PPFIA4: variants seen among roughly 807,000 people sequenced by gnomAD.
The protein encoded by PPFIA4 is PPFI scaffold protein A4, also known as liprin-alpha-4.
PPFIA4 carries 98 observed loss-of-function variants against 145.7 expected under a neutral mutation model. The observed-to-expected ratio is 0.67, with a 90% CI of 0.57 to 0.80. PPFIA4 has a LOEUF of 0.80. Among genes scored for constraint, PPFIA4 ranks in the 30% least tolerant of loss-of-function variants. The probability of loss-of-function intolerance (pLI) is 0.00; values close to 1 mark genes in which losing one functional copy is unlikely to be tolerated. For synonymous variants in PPFIA4, 628 were observed against 649.6 expected (o/e 0.97, Z 0.51); for missense variants, 1,457 against 1,632.7 (o/e 0.89, Z 1.85).
intron 1 of PPFIA4, among the ~76,000 whole-genome samples, chr1:203,031,920 T>A (rs189357553): frequency 7.6e-4 from 116 of 152,282 alleles, no homozygotes; most frequent in Admixed American, 5.1e-3. Flanking sequence ...TATTTTGACT[T>A]AGTAACTATA....
At chr1:203,069,728 A>G (rs1661998607) in intron 27 of PPFIA4, among the ~76,000 whole-genome samples, 1 of 149,402 alleles carries the variant, frequency 6.7e-6, no homozygotes, top group Admixed American at 6.7e-5. Flanking sequence ...GCACAGGGCC[A>G]TTGTGTCCTG....
intron 13 of PPFIA4, among the ~76,000 whole-genome samples, chr1:203,050,895 T>A (rs1660459157): frequency 6.6e-6 from 1 of 151,856 alleles, no homozygotes. Context: ...TTTTTTTTCT[T>A]AATGGTTGGG....
chr1:203,029,242 A>G (rs1157263752), intron 1 of PPFIA4, among the ~76,000 whole-genome samples: 1 of 152,138 alleles, frequency 6.6e-6, no homozygotes, highest in Non-Finnish European at 1.5e-5. Context: ...GGGTGCTGCA[A>G]CCTCGGGGCC....
Position 203,077,351 on chromosome 1 carries a change from C to G in PPFIA4, c.*961C>G, listed in dbSNP as rs377537774. The G allele has an allele frequency of 6.6e-6, 1 of 152,342 alleles. No homozygotes were observed. Among genetic ancestry groups the G allele is most frequent in the Non-Finnish European group, 1.5e-5 (1 of 68,142 alleles). The allele number at this position is 152,342 out of a possible 1,614,324, so 9.4% of individuals were successfully genotyped here. On this transcript the variant is annotated 3_prime_UTR_variant, in exon 30 of 30. Transcript: ENST00000295706. ...CTAGCTCTGCTCCCAGCATCCCTTC[C>G]CCTTCTCTCCTCCTCTGCCTCACTT...
Position 203,046,308 on chromosome 1 carries a change from C to T in PPFIA4, c.1066C>T (p.Gln356Ter). Residue 356 changes from glutamine (Q) to a stop codon, truncating the protein, a stop_gained, in exon 9 of 30, where the codon CAG (glutamine) becomes TAG (stop). Transcript: ENST00000295706. LOFTEE classifies it high-confidence loss of function. ...GGAGGTGGCAGAGCAGAAGCTGCAG[C>T]AGACGATGCGCAAGGCAGAGACGCT... ...LLEVAEQKLQ[Q>*]TMRKAETLPE... 1 of 1,595,640 alleles carries T rather than the reference C, an allele frequency of 6.3e-7. No individual in the cohort carries two copies. Among genetic ancestry groups the T allele is most frequent in the Non-Finnish European group, 8.5e-7 (1 of 1,171,846 alleles).
In PPFIA4 at chr1:203,059,259, G is replaced by T; in HGVS notation, c.2489G>T (p.Arg830Leu). The T allele has an allele frequency of 6.5e-7, 1 of 1,529,628 alleles. No individual in the cohort carries two copies. Among genetic ancestry groups the T allele is most frequent in the Non-Finnish European group, 8.9e-7 (1 of 1,122,146 alleles). The allele number at this position is 1,529,628 out of a possible 1,614,324, so 94.8% of individuals were successfully genotyped here. A position where few individuals can be genotyped will look rare whatever the true frequency, so the allele number is the denominator to read the frequency against. The change falls in exon 20 of 30, where the codon CGG becomes CTG. Residue 830 changes from arginine (R) to leucine (L), a missense_variant. Arg to Leu is a moderately radical substitution (Grantham distance 102). Transcript: ENST00000295706. The stretch of plus-strand genomic sequence containing the variant: ...GGGACCCAGGCAGAGAAGGACCGGC[G>T]GCTAAAGAAGAAGTAAGAGCCACAG... Reference protein sequence around the residue: ...KLGTQAEKDRRLKKKHQLLED... With the variant: ...KLGTQAEKDRLLKKKHQLLED...
At chr1:203,063,746 T>C in intron 24 of PPFIA4, 82 bp from the exon 25 acceptor site, 1 of 1,430,506 alleles carries the variant, frequency 7.0e-7, no homozygotes, top group South Asian at 1.2e-5. Context: ...GATTCATGTG[T>C]CTCCCGACCA....
At chr1:203,035,636 G>T (rs766788707) in intron 1 of PPFIA4, 1 of 456,750 alleles carries the variant, frequency 2.2e-6, no homozygotes, top group Non-Finnish European at 4.4e-6. Flanking sequence ...TCTGAATCAG[G>T]ACCTGTGAGT....
At chr1:203,073,512 A>AGG (rs912480903) in intron 28 of PPFIA4, among the ~76,000 whole-genome samples, 1 of 152,084 alleles carries the variant, frequency 6.6e-6, no homozygotes, top group Non-Finnish European at 1.5e-5. Context: ...TTTAGGGGTG[A>AGG]GGGGAGGGTC....
At chr1:203,074,402 T>A (rs1662375969) in intron 28 of PPFIA4, among the ~76,000 whole-genome samples, 1 of 152,174 alleles carries the variant, frequency 6.6e-6, no homozygotes, top group African/African-American at 2.4e-5. Context: ...AAAAGTATTA[T>A]AATCTTATGA....
chr1:203,076,480 C>G lies in PPFIA4; in HGVS notation c.*90C>G. The G allele has an allele frequency of 1.5e-6, 2 of 1,294,200 alleles. No individual in the cohort carries two copies. Among genetic ancestry groups the G allele is most frequent in the Non-Finnish European group, 2.2e-6 (2 of 905,094 alleles). The allele number at this position is 1,294,200 out of a possible 1,614,324, so 80.2% of individuals were successfully genotyped here. On this transcript the variant is annotated 3_prime_UTR_variant, in exon 30 of 30. Coordinates refer to ENST00000295706, the MANE Select transcript of PPFIA4 (RefSeq NM_001304331.2). ...TTGCTCGTTCCCCTTCCTTCCGCAG[C>G]TCCTAGTCTCGTCCGTGACTTTCCG...
In PPFIA4 at chr1:203,056,966, C is replaced by T. The variant is rs1295205182; in HGVS notation, c.2407+16C>T. 1 of 1,612,886 alleles carries T rather than the reference C, an allele frequency of 6.2e-7. No individual in the cohort carries two copies. Among genetic ancestry groups the T allele is most frequent in the East Asian group, 2.2e-5 (1 of 44,822 alleles). ...ACAGGCCATGGTCTCTGTCCCCTTCCTAACGGAGGTCTGGGCGGGCATTGG... is the reference window on the plus strand; with the variant it reads ...ACAGGCCATGGTCTCTGTCCCCTTCTTAACGGAGGTCTGGGCGGGCATTGG... On this transcript the variant is annotated intron_variant, in intron 19 of 29. Coordinates refer to ENST00000295706, the MANE Select transcript of PPFIA4 (RefSeq NM_001304331.2).
chr1:203,075,088 C>T lies in PPFIA4; in HGVS notation c.3394-489C>T, dbSNP rs1232822519. Reference sequence around the variant, plus strand: ...TCACATAGCCAGTAAAATGGCAGAGCCAGGATTAGAAGCCAGGTGTCTGAC... The same window carrying T: ...TCACATAGCCAGTAAAATGGCAGAGTCAGGATTAGAAGCCAGGTGTCTGAC... On this transcript the variant is annotated intron_variant, in intron 28 of 29. Coordinates refer to ENST00000295706, the MANE Select transcript of PPFIA4 (RefSeq NM_001304331.2). The surrounding 1 kb of genome is among the most constrained non-coding windows in gnomAD (Gnocchi z 4.1). Among the ~76,000 whole-genome samples, 1 of 152,058 alleles carries T rather than the reference C, an allele frequency of 6.6e-6. No individual in the cohort carries two copies. The highest frequency in any genetic ancestry group is 6.5e-5 in the Admixed American group (1 of 15,274).
chr1:203,029,206 T>G (rs1658649214), intron 1 of PPFIA4, among the ~76,000 whole-genome samples: 1 of 152,190 alleles, frequency 6.6e-6, no homozygotes, highest in Non-Finnish European at 1.5e-5. Flanking sequence ...GCTGCCCAGC[T>G]CATTGCTCTG....
intron 1 of PPFIA4, chr1:203,037,031 G>GTGCC (rs1348020347): frequency 5.0e-6 from 1 of 198,896 alleles, no homozygotes; most frequent in Non-Finnish European, 1.1e-5. Context: ...GCATGCCCAC[G>GTGCC]TGCCTGCTTG....
At chr1:203,035,500 C>CG (rs1265566064) in intron 1 of PPFIA4, 1 of 296,714 alleles carries the variant, frequency 3.4e-6, no homozygotes, top group African/African-American at 8.2e-5. Flanking sequence ...CAATCCCCCA[C>CG]CCCCACACAC....
At chr1:203,064,964 G>A (rs1203992756) in intron 25 of PPFIA4, among the ~76,000 whole-genome samples, 3 of 152,246 alleles carry the variant, frequency 2.0e-5, no homozygotes, top group African/African-American at 4.8e-5. Context: ...TTTGAGCCAA[G>A]TCTTTTGTCT....
At chr1:203,051,506 C>T in intron 13 of PPFIA4, 1 of 666,058 alleles carries the variant, frequency 1.5e-6, no homozygotes, top group Non-Finnish European at 2.1e-6. Flanking sequence ...CAACTCTTGC[C>T]ATTAGAAGAT....
intron 12 of PPFIA4, among the ~76,000 whole-genome samples, chr1:203,049,207 C>G (rs898787617): frequency 2.0e-5 from 3 of 152,214 alleles, no homozygotes; most frequent in Non-Finnish European, 4.4e-5. Flanking sequence ...CAGAGGTGGA[C>G]AGCAGAGAGG....
Sources: gnomAD v4.1 joint callset for allele counts (sites outside exome capture counted in the v4.1 genomes callset) on GRCh38, gnomAD v4.1.1 for gene constraint, Gnocchi (gnomAD v3.1) non-coding constraint, MANE v1.5 for transcripts, NCBI Gene and HGNC (gene_info 2026-07-23, HGNC 2026-07-21) for gene names.